Variants in ASIC2 observed in about 807,000 individuals in gnomAD.
ASIC2 encodes acid-sensing ion channel 2.
In ASIC2, 25 loss-of-function variants were observed where a neutral mutation model predicts 57.3. The observed-to-expected ratio is 0.44, with a 90% CI of 0.32 to 0.61. ASIC2 has a LOEUF of 0.61. Ranked by LOEUF, ASIC2 falls within the 20% of genes least tolerant of loss-of-function variation. The pLI is 0.06. For missense variants in ASIC2, 641 were observed against 738.1 expected (o/e 0.87, Z 1.52); for synonymous variants, 319 against 307.5 (o/e 1.04, Z -0.39).
chr17:33,314,115 C>G (rs1906545306), intron 1 of ASIC2, among the ~76,000 whole-genome samples: 1 of 152,102 alleles, frequency 6.6e-6, no homozygotes, highest in African/African-American at 2.4e-5. Flanking sequence ...GTGGGCTTGC[C>G]TTTGTGTCTA....
intron 1 of ASIC2, among the ~76,000 whole-genome samples, chr17:33,665,802 T>G (rs1188935672): frequency 6.6e-6 from 1 of 151,894 alleles, no homozygotes; most frequent in Non-Finnish European, 1.5e-5. Flanking sequence ...CGAGGGGAGG[T>G]TGGGAGAGGG....
At chr17:33,803,128 A>G (rs1461822037) in intron 1 of ASIC2, among the ~76,000 whole-genome samples, 1 of 152,186 alleles carries the variant, frequency 6.6e-6, no homozygotes, top group Non-Finnish European at 1.5e-5. Context: ...CTTGGGGTTA[A>G]GTGTGGAACT....
chr17:33,829,946 T>A (rs1913053695), intron 1 of ASIC2, among the ~76,000 whole-genome samples: 1 of 152,150 alleles, frequency 6.6e-6, no homozygotes, highest in South Asian at 2.1e-4. Flanking sequence ...AGATATATAA[T>A]AATATAGCAT....
chr17:33,348,540 G>A (rs918502916), intron 1 of ASIC2, among the ~76,000 whole-genome samples: 7 of 152,158 alleles, frequency 4.6e-5, no homozygotes, highest in Non-Finnish European at 7.4e-5. Flanking sequence ...AGTTGTTGGG[G>A]TATTTGCTGC....
intron 1 of ASIC2, among the ~76,000 whole-genome samples, chr17:34,114,556 G>A (rs1364810817): frequency 2.0e-5 from 3 of 152,182 alleles, no homozygotes; most frequent in Admixed American, 6.5e-5. Flanking sequence ...TAACTTCTTA[G>A]ATCCACATCT....
At chr17:33,708,391 T>C (rs1321352666) in intron 1 of ASIC2, among the ~76,000 whole-genome samples, 2 of 152,226 alleles carry the variant, frequency 1.3e-5, no homozygotes, top group East Asian at 3.8e-4. Context: ...CTCTGTTTTT[T>C]TTCCTTCTTG....
intron 1 of ASIC2, among the ~76,000 whole-genome samples, chr17:33,251,338 A>G (rs894008150): frequency 2.0e-5 from 3 of 152,014 alleles, no homozygotes; most frequent in Admixed American, 6.6e-5. Flanking sequence ...TATCTTATTT[A>G]TTTATTTTTG....
intron 1 of ASIC2, among the ~76,000 whole-genome samples, chr17:34,063,295 A>G (rs1909038311): frequency 6.6e-6 from 1 of 152,232 alleles, no homozygotes; most frequent in Admixed American, 6.5e-5. Flanking sequence ...TAGATGCAGA[A>G]AAAGCATTCA....
intron 1 of ASIC2, among the ~76,000 whole-genome samples, chr17:33,230,476 C>A (rs946869272): frequency 1.3e-5 from 2 of 152,214 alleles, no homozygotes; most frequent in African/African-American, 2.4e-5. Flanking sequence ...ACTCTGGCTG[C>A]AGAACCAGAG....
upstream of ASIC2, among the ~76,000 whole-genome samples, chr17:33,296,550 T>A (rs895950701): frequency 2.0e-5 from 3 of 152,190 alleles, no homozygotes; most frequent in Non-Finnish European, 4.4e-5. Flanking sequence ...TAGGAAAATT[T>A]CCCTTGTTTA....
intron 1 of ASIC2, among the ~76,000 whole-genome samples, chr17:33,554,755 A>T (rs1425554312): frequency 6.6e-6 from 1 of 152,094 alleles, no homozygotes; most frequent in Non-Finnish European, 1.5e-5. Context: ...ACCAGGGAGG[A>T]TCTATGCCTG....
chr17:33,632,749 C>T (rs1906215396), intron 1 of ASIC2, among the ~76,000 whole-genome samples: 1 of 152,154 alleles, frequency 6.6e-6, no homozygotes, highest in Non-Finnish European at 1.5e-5. Context: ...CCCTTTGAAA[C>T]TCCCTCTGCA....
chr17:33,297,425 A>G (rs561934163), upstream of ASIC2, among the ~76,000 whole-genome samples: 8 of 152,240 alleles, frequency 5.3e-5, no homozygotes, highest in East Asian at 5.8e-4. Flanking sequence ...GGGTGGAGAG[A>G]TGAAACAGCA....
intron 1 of ASIC2, among the ~76,000 whole-genome samples, chr17:33,498,324 A>G (rs1567631236): frequency 1.3e-5 from 2 of 152,238 alleles, no homozygotes; most frequent in Admixed American, 6.5e-5. Context: ...ATCCCCAAAG[A>G]GCAAAACATC....
At chr17:34,151,162 G>C (rs1904512107) in intron 1 of ASIC2, among the ~76,000 whole-genome samples, 1 of 151,634 alleles carries the variant, frequency 6.6e-6, no homozygotes, top group South Asian at 2.1e-4. Flanking sequence ...TGAGTAAAGG[G>C]TTCTGGGTTT....
At chr17:33,817,654 T>G (rs952180654) in intron 1 of ASIC2, among the ~76,000 whole-genome samples, 2 of 152,200 alleles carry the variant, frequency 1.3e-5, no homozygotes, top group African/African-American at 4.8e-5. Context: ...TACGGCTGTT[T>G]ATTACTGTAC....
At chr17:33,761,248 G>A (rs1910768449) in intron 1 of ASIC2, among the ~76,000 whole-genome samples, 1 of 152,172 alleles carries the variant, frequency 6.6e-6, no homozygotes, top group African/African-American at 2.4e-5. Flanking sequence ...GATTTTGTTG[G>A]ATGGATTGAG....
intron 1 of ASIC2, among the ~76,000 whole-genome samples, chr17:33,489,640 G>A (rs1303986939): frequency 6.6e-6 from 1 of 152,190 alleles, no homozygotes; most frequent in South Asian, 2.1e-4. Flanking sequence ...TAATAAAAGG[G>A]ATGAAGCCAC....
chr17:33,081,382 T>A (rs1018474237), intron 3 of ASIC2, among the ~76,000 whole-genome samples: 1 of 152,224 alleles, frequency 6.6e-6, no homozygotes, highest in African/African-American at 2.4e-5. Flanking sequence ...GGGCTATTCA[T>A]GGGAAACAGT....
Sources: gnomAD v4.1 joint callset for allele counts (sites outside exome capture counted in the v4.1 genomes callset) on GRCh38, gnomAD v4.1.1 for gene constraint, MANE v1.5 for transcripts, NCBI Gene and HGNC (gene_info 2026-07-23, HGNC 2026-07-21) for gene names.